The following DAGLB variants were observed in gnomAD, a reference collection of about 807,000 sequenced individuals.
DAGLB encodes the protein diacylglycerol lipase beta, also known as diacylglycerol lipase-beta.
A neutral mutation model predicts 72.1 loss-of-function variants in DAGLB; 66 were observed. That is an observed-to-expected ratio of 0.92 (90% CI 0.75 to 1.12). DAGLB has a LOEUF of 1.12. Among genes scored for constraint, DAGLB ranks in the 50% most tolerant of loss-of-function variants. DAGLB has a pLI of 0.00. For synonymous variants in DAGLB, 414 were observed against 359.5 expected, an observed-to-expected ratio of 1.15 and a Z score of -1.71; for missense variants, 1,065 against 884.9, an observed-to-expected ratio of 1.20 and a Z score of -2.58.
intron 2 of DAGLB, among the ~76,000 whole-genome samples, chr7:6,443,737 C>T (rs1213363460): frequency 1.3e-5 from 2 of 152,088 alleles, no homozygotes; most frequent in Admixed American, 1.3e-4. Context: ...ATGCATACCT[C>T]GTCCATCCCA....
chr7:6,424,064 G>A (rs914732181), intron 8 of DAGLB, among the ~76,000 whole-genome samples: 1 of 152,168 alleles, frequency 6.6e-6, no homozygotes, highest in African/African-American at 2.4e-5. Flanking sequence ...GTCAGGAGCA[G>A]AAGAGGGCTG....
At position 6,409,912 on chromosome 7, in the gene DAGLB, C is replaced by T. The variant is rs150406824; in HGVS notation, c.1944G>A (p.Leu648=). The part of the protein sequence containing the change: ...DHMPDILMRA[L]DSVVSDRAAC... ...CCGCTCTGTCGGAGACCACGCTGTC[C>T]AAGGCCCGCATCAGGATGTCTGGCA... Residue 648 remains leucine, a synonymous_variant, in exon 15 of 15, where the codon TTG becomes TTA. Coordinates refer to ENST00000297056, the MANE Select transcript of DAGLB (RefSeq NM_139179.4). The T allele has an allele frequency of 1.2e-3, 2,006 of 1,614,130 alleles. 3 individuals carry two copies. Among genetic ancestry groups the T allele is most frequent in the Non-Finnish European group, 1.6e-3 (1,840 of 1,180,042 alleles).
In DAGLB at chr7:6,432,697, G is replaced by A. The variant is rs535195772; in HGVS notation, c.801+140C>T. The A allele has an allele frequency of 9.6e-6, 10 of 1,036,626 alleles. No individual in the cohort carries two copies. In the African/African-American group the frequency reaches 1.3e-4, roughly 13 times the overall value. 64.2% of individuals were successfully genotyped at this position (1,036,626 alleles called of 1,614,324 possible). A position where few individuals can be genotyped will look rare whatever the true frequency, so the allele number is the denominator to read the frequency against. On this transcript the variant is annotated intron_variant, in intron 5 of 14. Coordinates refer to ENST00000297056, the MANE Select transcript of DAGLB (RefSeq NM_139179.4). ...AAAAAAGGTGGGAGAGGGGAGGGAAGGGGAGGAGGGGGAGGGGAGGGAGGG... is the reference window on the plus strand; with the variant it reads ...AAAAAAGGTGGGAGAGGGGAGGGAAAGGGAGGAGGGGGAGGGGAGGGAGGG...
At position 6,434,830 on chromosome 7, in the gene DAGLB, T is replaced by C. The variant is rs200613175; in HGVS notation, c.610A>G (p.Ile204Val). The C allele has an allele frequency of 4.0e-5, 64 of 1,614,038 alleles. No individual in the cohort carries two copies. The highest frequency in any genetic ancestry group is 1.6e-4 in the Middle Eastern group (1 of 6,084). Reference sequence around the variant, plus strand: ...ACCCGAGTATGGTCGTCTTTCCCAATGCAACAGCACAAGAGCTTGATTCTG... The same window carrying C: ...ACCCGAGTATGGTCGTCTTTCCCAACGCAACAGCACAAGAGCTTGATTCTG... The part of the protein sequence containing the change: ...ETRIKLLCCC[I>V]GKDDHTRVAF... Residue 204 changes from isoleucine (I) to valine (V), a missense_variant, in exon 4 of 15, where the codon ATT becomes GTT. Physicochemically the swap from Ile to Val is conservative, Grantham distance 29. Coordinates refer to ENST00000297056, the MANE Select transcript of DAGLB (RefSeq NM_139179.4).
intron 7 of DAGLB, among the ~76,000 whole-genome samples, chr7:6,425,176 G>A (rs1031660636): frequency 2.0e-5 from 3 of 152,244 alleles, no homozygotes; most frequent in Admixed American, 2.0e-4. Context: ...TGGGAGAGCC[G>A]CCGATCTGCG....
At chr7:6,414,810 T>C (rs1783849425) in intron 11 of DAGLB, among the ~76,000 whole-genome samples, 1 of 151,430 alleles carries the variant, frequency 6.6e-6, no homozygotes, top group Non-Finnish European at 1.5e-5. Flanking sequence ...ATTCCAGATA[T>C]GGACGATGGA....
chr7:6,425,963 G>C, intron 7 of DAGLB, 25 bp downstream of exon 7: 4 of 1,612,344 alleles, frequency 2.5e-6, no homozygotes, highest in Non-Finnish European at 3.4e-6. Context: ...AAGAAGTGAA[G>C]AGCCGCTGTC....
chr7:6,418,106 T>TG (rs1783978495), intron 9 of DAGLB, among the ~76,000 whole-genome samples: 1 of 152,114 alleles, frequency 6.6e-6, no homozygotes, highest in Admixed American at 6.6e-5. Flanking sequence ...CCTGACCTCG[T>TG]GATCCACCCG....
Position 6,434,953 on chromosome 7 carries a change from C to T in DAGLB, c.487G>A (p.Ala163Thr). The T allele has an allele frequency of 6.2e-7, 1 of 1,614,030 alleles. No individual in the cohort carries two copies. Among genetic ancestry groups the T allele is most frequent in the Non-Finnish European group, 8.5e-7 (1 of 1,180,024 alleles). Residue 163 changes from alanine (A) to threonine (T), a missense_variant, in exon 4 of 15, where the codon GCT (alanine) becomes ACT (threonine). Transcript: ENST00000297056. ...CTGGGGCCGGCAGAGGAATATGGAGCCATTTTCCCCCCAAGAGGGTCAAAG... is the reference window on the plus strand; with the variant it reads ...CTGGGGCCGGCAGAGGAATATGGAGTCATTTTCCCCCCAAGAGGGTCAAAG... ...IVFDPLGGKM[A>T]PYSSAGPSHL... is the part of the protein sequence containing the mutation.
At chr7:6,422,144 C>A in intron 8 of DAGLB, 1 of 379,356 alleles carries the variant, frequency 2.6e-6, no homozygotes, top group Middle Eastern at 9.1e-4. Flanking sequence ...TGGTTCCCGT[C>A]CTCAGGAGCC....
chr7:6,438,863 A>AATG (rs962906702), intron 2 of DAGLB, among the ~76,000 whole-genome samples: 91 of 106,634 alleles, frequency 8.5e-4, no homozygotes, highest in African/African-American at 1.9e-3. Flanking sequence ...TAAAAAAGAT[A>AATG]ATGATGATGA....
Position 6,410,392 on chromosome 7 carries a change from A to G in DAGLB, c.1570-12T>C. On this transcript the variant is annotated splice_polypyrimidine_tract_variant and intron_variant, in intron 13 of 14. Transcript: ENST00000297056. ...AGCAAGATCTTGTACTGAGGGCGAG[A>G]CCCAATCAGTAGAATGCTGTCACTC... The G allele has an allele frequency of 1.9e-6, 3 of 1,598,102 alleles. No homozygotes were observed. The highest frequency in any genetic ancestry group is 2.6e-6 in the Non-Finnish European group (3 of 1,170,324).
rs771315806 is a variant in DAGLB at position 6,436,445 on chromosome 7, G to A, written c.336C>T (p.Ala112=). 2 of 1,614,130 alleles carry A rather than the reference G, an allele frequency of 1.2e-6. No individual in the cohort carries two copies. Among genetic ancestry groups the A allele is most frequent in the South Asian group, 1.1e-5 (1 of 91,078 alleles). ...LALFFPEMVW[A]SLGAAWVADG... is the part of the protein sequence containing the mutation. ...CTGCCACCCAGGCAGCCCCCAGAGA[G>A]GCCCAGACCATCTCTGGAAAAAACA... The change falls in exon 3 of 15, where the codon GCC becomes GCT. Residue 112 remains alanine (A), a synonymous_variant. Transcript: ENST00000297056.
chr7:6,420,513 C>G (rs769352068), intron 9 of DAGLB, among the ~76,000 whole-genome samples: 5 of 151,910 alleles, frequency 3.3e-5, no homozygotes, highest in Non-Finnish European at 5.9e-5. Context: ...TGTGGGGTTC[C>G]CAGAAGAGAC....
chr7:6,421,410 G>GCTCTGTGC (rs1265601822), intron 9 of DAGLB, among the ~76,000 whole-genome samples: 11 of 40,018 alleles, frequency 2.7e-4, no homozygotes, highest in Non-Finnish European at 4.0e-4. Flanking sequence ...GGCAGCGCGG[G>GCTCTGTGC]AGGCGCAGGC....
chr7:6,415,788 T>C (rs1783889690), intron 11 of DAGLB, among the ~76,000 whole-genome samples: 1 of 148,160 alleles, frequency 6.7e-6, no homozygotes, highest in Non-Finnish European at 1.5e-5. Context: ...GAGGTTGCAG[T>C]GAGCCGAGAT....
intron 9 of DAGLB, among the ~76,000 whole-genome samples, chr7:6,421,195 C>T (rs1784105222): frequency 1.3e-5 from 2 of 152,234 alleles, no homozygotes; most frequent in Admixed American, 1.3e-4. Flanking sequence ...GCCCAACCTG[C>T]TACTTATTCC....
intron 6 of DAGLB, among the ~76,000 whole-genome samples, chr7:6,429,500 C>T (rs77664961): frequency 0.079 from 12,031 of 151,764 alleles, 1,113 homozygotes; most frequent in East Asian, 0.5. Flanking sequence ...GTGGCTCACA[C>T]CTTGTAATCC....
Position 6,424,707 on chromosome 7 carries a change from T to TCCCGCA in DAGLB, c.1140+39_1140+44dup, listed in dbSNP as rs749803989. 31 of 1,596,724 alleles carry TCCCGCA rather than the reference T, an allele frequency of 1.9e-5. No homozygotes were observed. The African/African-American group carries it at 3.9e-4, about 20-fold the overall frequency. Reference sequence around the variant, plus strand: ...CAGCCGAGCAGCTGTGGGCTCCCGCTCCCGCACCCACTCCCAGGGCTGGAA... The same window carrying TCCCGCA: ...CAGCCGAGCAGCTGTGGGCTCCCGCTCCCGCACCCGCACCCACTCCCAGGGCTGGAA... On this transcript the variant is annotated intron_variant, in intron 8 of 14. Coordinates refer to ENST00000297056, the MANE Select transcript of DAGLB (RefSeq NM_139179.4).
Sources: gnomAD v4.1 joint callset for allele counts (sites outside exome capture counted in the v4.1 genomes callset) on GRCh38, gnomAD v4.1.1 for gene constraint, MANE v1.5 for transcripts, NCBI Gene and HGNC (gene_info 2026-07-23, HGNC 2026-07-21) for gene names.